RANBP17: variants seen among roughly 807,000 people sequenced by gnomAD.
RANBP17 encodes RAN binding protein 17, also known as ran-binding protein 17.
A neutral mutation model predicts 141.2 loss-of-function variants in RANBP17; 158 were observed. That is an observed-to-expected ratio of 1.12 (90% CI 0.98 to 1.28). The LOEUF (loss-of-function observed/expected upper bound fraction) is 1.28, where lower values mean the gene tolerates loss of function less well. Ranked by LOEUF, RANBP17 falls within the 50% of genes most tolerant of loss-of-function variation. The pLI, the probability that RANBP17 is intolerant of heterozygous loss-of-function variation, is 0.00. For synonymous variants in RANBP17, 430 were observed against 450.0 expected, an observed-to-expected ratio of 0.96 and a Z score of 0.56; for missense variants, 1,438 against 1,290.7, an observed-to-expected ratio of 1.11 and a Z score of -1.75.
chr5:171,205,922 A>G, intron 20 of RANBP17: 1 of 418,186 alleles, frequency 2.4e-6, no homozygotes, highest in East Asian at 5.5e-5. Flanking sequence ...GGATCAATGA[A>G]TCCTACCATT....
chr5:171,077,392 CA>C (rs973305067), intron 14 of RANBP17, among the ~76,000 whole-genome samples: 7 of 150,528 alleles, frequency 4.7e-5, no homozygotes, highest in African/African-American at 1.7e-4. Context: ...TGCCATAAAA[CA>C]AAAAGGCAAG....
chr5:171,148,535 A>G (rs1758240146), intron 14 of RANBP17, among the ~76,000 whole-genome samples: 1 of 152,152 alleles, frequency 6.6e-6, no homozygotes, highest in African/African-American at 2.4e-5. Flanking sequence ...GCTATCAGAT[A>G]CTTGTAAATA....
intron 5 of RANBP17, chr5:170,904,348 C>A: frequency 9.3e-6 from 2 of 214,182 alleles, no homozygotes; most frequent in South Asian, 9.2e-5. Context: ...AAAGCTATTT[C>A]ACAGAAGCTG....
intron 25 of RANBP17, among the ~76,000 whole-genome samples, chr5:171,270,231 G>A (rs371271211): frequency 6.6e-6 from 1 of 152,074 alleles, no homozygotes; most frequent in Non-Finnish European, 1.5e-5. Flanking sequence ...TTTTAAAAAT[G>A]TTCTCCAAAT....
chr5:171,294,033 A>T lies in RANBP17; in HGVS notation c.3042+52A>T, dbSNP rs772667604. On this transcript the variant is annotated intron_variant, in intron 26 of 27. Transcript: ENST00000523189. ...GAGGTGGTCCCTGGGAGAAGAGAGC[A>T]GCTATAAGCTAGGGTGAGCTGTGAT... 4.6e-6 allele frequency: 6 copies of T among 1,297,334 alleles called. No individual in the cohort carries two copies. In the East Asian group the frequency reaches 1.2e-4, roughly 25 times the overall value. 80.4% of individuals were successfully genotyped at this position (1,297,334 alleles called of 1,614,324 possible). A position where few individuals can be genotyped will look rare whatever the true frequency, so the allele number is the denominator to read the frequency against.
chr5:171,226,368 T>C (rs1763878514), intron 22 of RANBP17, among the ~76,000 whole-genome samples: 2 of 152,172 alleles, frequency 1.3e-5, no homozygotes, highest in Admixed American at 6.5e-5. Flanking sequence ...AAAATAGAAC[T>C]GCCTTCATTC....
intron 23 of RANBP17, 22 bp from the exon 24 acceptor site, chr5:171,242,660 T>A (rs760752822): frequency 1.0e-5 from 16 of 1,606,658 alleles, no homozygotes; most frequent in Non-Finnish European, 1.3e-5. Flanking sequence ...GGCTTGACAT[T>A]TAGTATATCT....
intron 14 of RANBP17, among the ~76,000 whole-genome samples, chr5:170,993,133 G>A (rs983380612): frequency 6.6e-6 from 1 of 151,948 alleles, no homozygotes; most frequent in African/African-American, 2.4e-5. Flanking sequence ...AGAAGGGAAG[G>A]GGGAAAAAGC....
At position 170,911,145 on chromosome 5, in the gene RANBP17, A is replaced by G; in HGVS notation, c.760+11A>G. On this transcript the variant is annotated intron_variant, in intron 7 of 27. Coordinates refer to ENST00000523189, the MANE Select transcript of RANBP17 (RefSeq NM_022897.5). ...CAACTTGGAGAACAAGTAAGAAAAA[A>G]CTTTGGTATGAAGGGTCATCAACAT... 1 of 1,610,436 alleles carries G rather than the reference A, an allele frequency of 6.2e-7. No individual in the cohort carries two copies.
chr5:170,868,417 TTTGTTGTTG>T lies in RANBP17; in HGVS notation c.18+6386_18+6394del, dbSNP rs371693546. Among the ~76,000 whole-genome samples, 156 of 151,622 alleles carry T rather than the reference TTTGTTGTTG, an allele frequency of 1.0e-3. 1 individual carries two copies. Among genetic ancestry groups the T allele is most frequent in the Admixed American group, 2.8e-3 (42 of 15,250 alleles). ...GCATGTGCTACCACACCTGGCTGAT[TTTGTTGTTG>T]TTGTTGTTGTTGTTGTTGTATTTTT... On this transcript the variant is annotated intron_variant, in intron 1 of 27. Coordinates refer to ENST00000523189, the MANE Select transcript of RANBP17 (RefSeq NM_022897.5).
intron 12 of RANBP17, among the ~76,000 whole-genome samples, chr5:170,939,760 A>AG (rs1174954863): frequency 6.6e-6 from 1 of 152,168 alleles, no homozygotes; most frequent in African/African-American, 2.4e-5. Context: ...TTAAGAACAG[A>AG]ATAAAAACAT....
chr5:170,968,724 T>C, intron 14 of RANBP17: 1 of 458,720 alleles, frequency 2.2e-6, no homozygotes, highest in South Asian at 1.6e-5. Flanking sequence ...TGGACACTTA[T>C]TTATTTATGT....
intron 12 of RANBP17, among the ~76,000 whole-genome samples, chr5:170,936,387 T>A (rs900531940): frequency 2.6e-5 from 4 of 152,230 alleles, no homozygotes; most frequent in African/African-American, 7.2e-5. Context: ...AGACTGGAGC[T>A]GTTCCTATTC....
At chr5:171,044,583 T>C (rs958064079) in intron 14 of RANBP17, among the ~76,000 whole-genome samples, 1 of 152,050 alleles carries the variant, frequency 6.6e-6, no homozygotes, top group African/African-American at 2.4e-5. Context: ...TTACTCATAA[T>C]AAAAATATTA....
chr5:171,080,330 T>C (rs896234328), intron 14 of RANBP17, among the ~76,000 whole-genome samples: 1 of 151,798 alleles, frequency 6.6e-6, no homozygotes, highest in Admixed American at 6.6e-5. Context: ...ACAGTGTAAA[T>C]GCCAGGATAA....
intron 14 of RANBP17, among the ~76,000 whole-genome samples, chr5:171,057,059 T>C (rs931308689): frequency 6.6e-6 from 1 of 152,196 alleles, no homozygotes; most frequent in Non-Finnish European, 1.5e-5. Context: ...CCATCTAGTC[T>C]CAATCAGTAT....
intron 14 of RANBP17, among the ~76,000 whole-genome samples, chr5:171,153,512 T>C (rs542477375): frequency 1.3e-5 from 2 of 152,312 alleles, no homozygotes; most frequent in South Asian, 4.1e-4. Flanking sequence ...TAGGTAATCA[T>C]TGTTCAATGT....
At chr5:170,973,575 A>C (rs190810184) in intron 14 of RANBP17, among the ~76,000 whole-genome samples, 3 of 152,338 alleles carry the variant, frequency 2.0e-5, no homozygotes, top group Non-Finnish European at 4.4e-5. Flanking sequence ...CGGTTATATA[A>C]TTTCTGTGAA....
At chr5:171,064,661 C>A (rs1171977067) in intron 14 of RANBP17, among the ~76,000 whole-genome samples, 1 of 152,098 alleles carries the variant, frequency 6.6e-6, no homozygotes, top group Non-Finnish European at 1.5e-5. Context: ...TGTGCCCAGG[C>A]ACATGCCACC....
Sources: gnomAD v4.1 joint callset for allele counts (sites outside exome capture counted in the v4.1 genomes callset) on GRCh38, gnomAD v4.1.1 for gene constraint, MANE v1.5 for transcripts, NCBI Gene and HGNC (gene_info 2026-07-23, HGNC 2026-07-21) for gene names.